The following GALNT17 variants were observed in gnomAD, a reference collection of about 807,000 sequenced individuals.
GALNT17 encodes the protein UDP-GalNAc:polypeptide N-acetylgalactosaminyltransferase-like 3.
In GALNT17, 29 loss-of-function variants were observed where a neutral mutation model predicts 63.7. That is an observed-to-expected ratio of 0.46 (90% CI 0.34 to 0.62). The LOEUF (loss-of-function observed/expected upper bound fraction) is 0.62. Among genes scored for constraint, GALNT17 ranks in the 20% least tolerant of loss-of-function variants. The probability of loss-of-function intolerance (pLI) is 0.01; values close to 1 mark genes in which losing one functional copy is unlikely to be tolerated. For missense variants in GALNT17, 603 were observed against 799.6 expected, an observed-to-expected ratio of 0.75 and a Z score of 2.97; for synonymous variants, 305 against 318.3, an observed-to-expected ratio of 0.96 and a Z score of 0.45.
intron 6 of GALNT17, among the ~76,000 whole-genome samples, chr7:71,590,028 C>T (rs1293282085): frequency 1.3e-5 from 2 of 151,008 alleles, no homozygotes; most frequent in African/African-American, 5.0e-5. Context: ...CAGATAGGAA[C>T]CATGCCCGTA....
At chr7:71,217,817 A>G (rs1201483957) in intron 1 of GALNT17, among the ~76,000 whole-genome samples, 1 of 151,880 alleles carries the variant, frequency 6.6e-6, no homozygotes, top group African/African-American at 2.4e-5. Flanking sequence ...AGTCCCAGCT[A>G]CTCGGGAGGC....
intron 6 of GALNT17, among the ~76,000 whole-genome samples, chr7:71,605,755 A>G (rs1790037313): frequency 6.6e-6 from 1 of 152,148 alleles, no homozygotes; most frequent in African/African-American, 2.4e-5. Context: ...TTTGACTCTG[A>G]TGGTGTTTCA....
At chr7:71,641,916 C>G (rs1297490731) in intron 6 of GALNT17, among the ~76,000 whole-genome samples, 1 of 152,110 alleles carries the variant, frequency 6.6e-6, no homozygotes, top group Non-Finnish European at 1.5e-5. Flanking sequence ...ATTTCTGAGG[C>G]TAATGAGGGA....
At chr7:71,570,703 G>A (rs949282361) in intron 5 of GALNT17, among the ~76,000 whole-genome samples, 1 of 152,066 alleles carries the variant, frequency 6.6e-6, no homozygotes, top group African/African-American at 2.4e-5. Flanking sequence ...TCACAGGCTG[G>A]GCATGGTGTT....
rs542283861 is a variant in GALNT17, at chr7:71,492,019, C to T, written c.962+70914C>T. Among the ~76,000 whole-genome samples, 40 of 152,188 alleles carry T rather than the reference C, an allele frequency of 2.6e-4. No homozygotes were observed. The South Asian group carries it at 8.3e-3, about 32-fold the overall frequency. ...AAAATAGGCTGGGCACAGTGGTTCA[C>T]ACCTGTAATCCCAGCACTTTGGGAG... is the stretch of plus-strand genomic sequence containing the variant. On this transcript the variant is annotated intron_variant, in intron 5 of 10. Coordinates refer to ENST00000333538, the MANE Select transcript of GALNT17 (RefSeq NM_022479.3).
intron 2 of GALNT17, among the ~76,000 whole-genome samples, chr7:71,345,897 A>G (rs1193953946): frequency 6.6e-6 from 1 of 151,910 alleles, no homozygotes; most frequent in Non-Finnish European, 1.5e-5. Flanking sequence ...AGAGTCAAGA[A>G]TCCAGCTGGG....
chr7:71,200,197 G>A (rs1456994977), intron 1 of GALNT17, among the ~76,000 whole-genome samples: 1 of 152,108 alleles, frequency 6.6e-6, no homozygotes, highest in Non-Finnish European at 1.5e-5. Flanking sequence ...GTTTTAGAAA[G>A]TTCTGCCACG....
Position 71,321,923 on chromosome 7 carries a change from C to CTTCCTTTCTT in GALNT17, c.239-13627_239-13626insTTCCTTTCTT, listed in dbSNP as rs1455017909. On this transcript the variant is annotated intron_variant, in intron 1 of 10. Transcript: ENST00000333538. ...CCTTCCTTCCTTCCTTCCTTCCTTC[C>CTTCCTTTCTT]CCTCCCTCCCTCCCTCCCTCCCTTC... Among the ~76,000 whole-genome samples the CTTCCTTTCTT allele has an allele frequency of 9.3e-4, 44 of 47,128 alleles. 1 individual carries two copies. Among genetic ancestry groups the CTTCCTTTCTT allele is most frequent in the Non-Finnish European group, 1.4e-3 (33 of 23,410 alleles). 30.9% of individuals were successfully genotyped at this position (47,128 alleles called of 152,430 possible).
Position 71,677,325 on chromosome 7 carries a change from C to G in GALNT17, c.1500+19C>G. On this transcript the variant is annotated intron_variant, in intron 9 of 10. Coordinates refer to ENST00000333538, the MANE Select transcript of GALNT17 (RefSeq NM_022479.3). ...ACCACAGGTAGGAGCTCGTCTCTGA[C>G]CAGGAAGGAAGTAATATCACCATCT... is the stretch of plus-strand genomic sequence containing the variant. 2 of 1,609,648 alleles carry G rather than the reference C, an allele frequency of 1.2e-6. No individual in the cohort carries two copies. The highest frequency in any genetic ancestry group is 4.5e-5 in the East Asian group (2 of 44,780).
At chr7:71,398,100 A>G (rs1793172867) in intron 3 of GALNT17, among the ~76,000 whole-genome samples, 1 of 152,068 alleles carries the variant, frequency 6.6e-6, no homozygotes, top group Non-Finnish European at 1.5e-5. Flanking sequence ...ATGAGCCTTG[A>G]TATGGGTCAG....
At chr7:71,150,074 T>G (rs1178336974) in intron 1 of GALNT17, among the ~76,000 whole-genome samples, 13 of 152,156 alleles carry the variant, frequency 8.5e-5, no homozygotes, top group Non-Finnish European at 1.5e-5. Flanking sequence ...GCAGTTCTCT[T>G]GCGTCGAGAA....
At chr7:71,227,411 T>C (rs1789701262) in intron 1 of GALNT17, among the ~76,000 whole-genome samples, 1 of 150,100 alleles carries the variant, frequency 6.7e-6, no homozygotes, top group African/African-American at 2.4e-5. Context: ...AACCCAGAGG[T>C]TGAGATGTGC....
chr7:71,229,502 C>T (rs1002593830), intron 1 of GALNT17, among the ~76,000 whole-genome samples: 22 of 152,198 alleles, frequency 1.4e-4, no homozygotes, highest in African/African-American at 4.8e-4. Flanking sequence ...TGGTTGTGAG[C>T]TTGGCTCTCT....
intron 1 of GALNT17, among the ~76,000 whole-genome samples, chr7:71,292,809 G>T (rs769073844): frequency 5.3e-5 from 8 of 151,812 alleles, no homozygotes; most frequent in African/African-American, 1.9e-4. Flanking sequence ...TTCAGAAATT[G>T]TTTGTCTAGT....
Position 71,175,242 on chromosome 7 carries a change from C to A in GALNT17, c.238+42202C>A, listed in dbSNP as rs1788616633. On this transcript the variant is annotated intron_variant, in intron 1 of 10. Transcript: ENST00000333538. ...CCTCCATCACTGTCTGTCCACACTTCCATCCATCTGTCCATCCATCAGTCT... is the reference window on the plus strand; with the variant it reads ...CCTCCATCACTGTCTGTCCACACTTACATCCATCTGTCCATCCATCAGTCT... 2.0e-5 allele frequency among the ~76,000 whole-genome samples: 3 copies of A among 152,280 alleles called. No individual in the cohort carries two copies. The South Asian group carries it at 6.2e-4, about 32-fold the overall frequency.
intron 1 of GALNT17, among the ~76,000 whole-genome samples, chr7:71,289,511 G>A (rs1333660143): frequency 2.0e-5 from 3 of 152,178 alleles, no homozygotes; most frequent in Non-Finnish European, 4.4e-5. Context: ...CGAGGAGGGC[G>A]GATCACTTGA....
chr7:71,384,416 C>T (rs1190124465), intron 2 of GALNT17, among the ~76,000 whole-genome samples: 4 of 152,122 alleles, frequency 2.6e-5, no homozygotes, highest in Admixed American at 6.5e-5. Flanking sequence ...AGGGTTTTCT[C>T]ATTGTCTTGC....
At chr7:71,357,831 T>A (rs2527289) in intron 2 of GALNT17, among the ~76,000 whole-genome samples, 28,282 of 152,042 alleles carry the variant, frequency 0.19, 2,649 homozygotes, top group East Asian at 0.29. Flanking sequence ...GTAGCTAGCA[T>A]CAGGATTATA....
intron 1 of GALNT17, among the ~76,000 whole-genome samples, chr7:71,173,673 T>C (rs1367464942): frequency 6.6e-6 from 1 of 152,036 alleles, no homozygotes; most frequent in Non-Finnish European, 1.5e-5. Context: ...CTCAGGAGGC[T>C]GAGGCAGGAG....
Sources: allele counts gnomAD v4.1 joint callset (sites outside exome capture counted in the v4.1 genomes callset), GRCh38; gene constraint gnomAD v4.1.1; transcripts MANE v1.5; gene names NCBI Gene and HGNC (gene_info 2026-07-23, HGNC 2026-07-21).